Variants in MAPK9 observed in about 807,000 individuals in gnomAD.
The protein encoded by MAPK9 is mitogen-activated protein kinase 9, also known as Jun kinase.
MAPK9 carries 30 observed loss-of-function variants against 57.1 expected under a neutral mutation model. The ratio of observed to expected loss-of-function variants is 0.53; its 90% CI spans 0.39 to 0.71. The LOEUF is 0.71. Ranked by LOEUF, MAPK9 falls within the 30% of genes least tolerant of loss-of-function variation. MAPK9 has a pLI of 0.00. For missense variants in MAPK9, 362 were observed against 521.0 expected (o/e 0.69, Z 2.97); for synonymous variants, 155 against 177.0 (o/e 0.88, Z 0.99).
At position 180,289,801 on chromosome 5, in the gene MAPK9, T is replaced by TA. The variant is rs1246796881; in HGVS notation, c.-48+2046dup. Among the ~76,000 whole-genome samples the TA allele has an allele frequency of 5.9e-5, 9 of 151,756 alleles. No homozygotes were observed. The East Asian group carries it at 1.2e-3, about 20-fold the overall frequency. ...CTGTATTTGGCTTGGCTCACAGCAT[T>TA]AAAAAAAAATTTAATTAGCTATTGC... is the stretch of plus-strand genomic sequence containing the variant. On this transcript the variant is annotated intron_variant, in intron 1 of 11. Coordinates refer to ENST00000452135, the MANE Select transcript of MAPK9 (RefSeq NM_002752.5).
At chr5:180,244,744 A>G (rs1757942979) in intron 7 of MAPK9, among the ~76,000 whole-genome samples, 1 of 148,492 alleles carries the variant, frequency 6.7e-6, no homozygotes, top group Non-Finnish European at 1.5e-5. Flanking sequence ...GCTGCCCTCC[A>G]GCCTGGGCAA....
intron 8 of MAPK9, among the ~76,000 whole-genome samples, chr5:180,241,988 C>CT (rs34511447): frequency 1.3e-4 from 20 of 149,852 alleles, no homozygotes; most frequent in Admixed American, 3.3e-4. Flanking sequence ...GCAACTTACA[C>CT]TTTTTTTTTT....
intron 5 of MAPK9, among the ~76,000 whole-genome samples, chr5:180,250,367 G>A (rs1240028565): frequency 6.6e-6 from 1 of 152,078 alleles, no homozygotes; most frequent in African/African-American, 2.4e-5. Context: ...GGGGACTTCG[G>A]CCTGCAAACT....
chr5:180,247,628 G>T lies in MAPK9; in HGVS notation c.617-118C>A. The T allele has an allele frequency of 2.0e-6, 2 of 1,018,550 alleles. No homozygotes were observed. The highest frequency in any genetic ancestry group is 3.0e-6 in the Non-Finnish European group (2 of 665,294). 63.1% of individuals were successfully genotyped at this position (1,018,550 alleles called of 1,614,324 possible). ...TATGGAAAAATAAATTGCTAGCTAA[G>T]GGTGACATTTTACACAATATGAATG... On this transcript the variant is annotated intron_variant, in intron 6 of 11. Transcript: ENST00000452135. The surrounding 1 kb of genome is among the most constrained non-coding windows in gnomAD (Gnocchi z 4.5).
intron 5 of MAPK9, among the ~76,000 whole-genome samples, chr5:180,253,007 G>A (rs1048560912): frequency 3.3e-5 from 5 of 152,180 alleles, no homozygotes; most frequent in Non-Finnish European, 7.3e-5. Flanking sequence ...TGGGGTCCAC[G>A]GAAATGCACT....
intron 1 of MAPK9, among the ~76,000 whole-genome samples, chr5:180,281,797 C>T (rs372244306): frequency 3.3e-5 from 5 of 152,206 alleles, no homozygotes; most frequent in African/African-American, 1.2e-4. Context: ...GTCTTCTCCC[C>T]GTCCTCTGGG....
At chr5:180,236,598 A>C in intron 11 of MAPK9, 72 bp from the exon 12 acceptor site, 1 of 1,539,860 alleles carries the variant, frequency 6.5e-7, no homozygotes, top group Admixed American at 1.7e-5. Flanking sequence ...GCGAGACTGC[A>C]GGCCATTTCT....
intron 1 of MAPK9, among the ~76,000 whole-genome samples, chr5:180,286,508 A>T (rs1762784680): frequency 6.6e-6 from 1 of 151,818 alleles, no homozygotes; most frequent in Non-Finnish European, 1.5e-5. Flanking sequence ...GATAATCAAG[A>T]ACCTTGCAGC....
chr5:180,267,691 C>T (rs571790020), intron 3 of MAPK9, among the ~76,000 whole-genome samples: 18 of 151,998 alleles, frequency 1.2e-4, no homozygotes, highest in Admixed American at 5.2e-4. Context: ...GTGGTAAGAC[C>T]CCACCTCTAC....
chr5:180,265,521 C>T (rs1760441717), intron 3 of MAPK9, among the ~76,000 whole-genome samples: 1 of 152,240 alleles, frequency 6.6e-6, no homozygotes, highest in Non-Finnish European at 1.5e-5. Context: ...ACTTTTCTCT[C>T]TCCTGCCGCC....
intron 4 of MAPK9, among the ~76,000 whole-genome samples, chr5:180,264,206 G>C (rs1581240359): frequency 6.6e-6 from 1 of 152,118 alleles, no homozygotes; most frequent in Non-Finnish European, 1.5e-5. Context: ...CATGTGGCTT[G>C]TCTATCTTCC....
chr5:180,291,592 G>C (rs1243142606), intron 1 of MAPK9, among the ~76,000 whole-genome samples: 1 of 152,052 alleles, frequency 6.6e-6, no homozygotes, highest in Non-Finnish European at 1.5e-5. Flanking sequence ...CTCCGGGAGG[G>C]ATGGCGCCCG....
At chr5:180,275,623 T>C (rs1247458498) in intron 2 of MAPK9, among the ~76,000 whole-genome samples, 2 of 152,196 alleles carry the variant, frequency 1.3e-5, no homozygotes, top group Non-Finnish European at 1.5e-5. Flanking sequence ...CCTGACCTAG[T>C]AACTCCTCAC....
intron 5 of MAPK9, among the ~76,000 whole-genome samples, chr5:180,249,648 A>G (rs984570678): frequency 1.3e-5 from 2 of 152,216 alleles, no homozygotes; most frequent in Non-Finnish European, 2.9e-5. Flanking sequence ...CCCACAGACA[A>G]TGTCATATAA....
At chr5:180,271,878 T>C (rs984763970) in intron 2 of MAPK9, among the ~76,000 whole-genome samples, 7 of 152,228 alleles carry the variant, frequency 4.6e-5, no homozygotes, top group African/African-American at 7.2e-5. Context: ...TTTCTAGTTT[T>C]CCCCACACAT....
chr5:180,247,551 A>G lies in MAPK9; in HGVS notation c.617-41T>C, dbSNP rs946226894. 2 of 1,553,388 alleles carry G rather than the reference A, an allele frequency of 1.3e-6. No homozygotes were observed. The highest frequency in any genetic ancestry group is 2.2e-5 in the South Asian group (2 of 88,896). On this transcript the variant is annotated intron_variant, in intron 6 of 11. Transcript: ENST00000452135. This position sits in a 1 kb window ranked among gnomAD's most constrained non-coding sequence, Gnocchi z 4.5. ...AATGATAAAATTATGAAGTGCCATGAACAAAACAAAAGTGAGGAAAAGGAA... is the reference window on the plus strand; with the variant it reads ...AATGATAAAATTATGAAGTGCCATGGACAAAACAAAAGTGAGGAAAAGGAA...
In MAPK9 at chr5:180,235,616, G is replaced by GTCTTC. The variant is rs1757120670; in HGVS notation, c.*767_*768insGAAGA. On this transcript the variant is annotated 3_prime_UTR_variant, in exon 12 of 12. Transcript: ENST00000452135. Reference sequence around the variant, plus strand: ...GAAGACCAAGAAGAAAAGAGATAAGGTAGCTAGGATTTCAAGCAGCACTAA... The same window carrying GTCTTC: ...GAAGACCAAGAAGAAAAGAGATAAGGTCTTCTAGCTAGGATTTCAAGCAGCACTAA... The GTCTTC allele has an allele frequency of 1.3e-5, 2 of 152,130 alleles. No individual in the cohort carries two copies. The highest frequency in any genetic ancestry group is 3.8e-4 in the East Asian group (2 of 5,196). The allele number at this position is 152,130 out of a possible 1,614,324, so 9.4% of individuals were successfully genotyped here. A position where few individuals can be genotyped will look rare whatever the true frequency, so the allele number is the denominator to read the frequency against.
intron 4 of MAPK9, among the ~76,000 whole-genome samples, chr5:180,263,839 G>C (rs1760250324): frequency 6.6e-6 from 1 of 151,496 alleles, no homozygotes; most frequent in South Asian, 2.1e-4. Flanking sequence ...CTGAGTAGCT[G>C]GGACTACAGG....
chr5:180,279,879 C>T (rs978586378), intron 2 of MAPK9: 8 of 456,476 alleles, frequency 1.8e-5, no homozygotes, highest in East Asian at 1.4e-4. Context: ...ACGATTCTGA[C>T]GTTCTGGGCT....
Sources: gnomAD v4.1 joint callset for allele counts (sites outside exome capture counted in the v4.1 genomes callset) on GRCh38, gnomAD v4.1.1 for gene constraint, Gnocchi (gnomAD v3.1) non-coding constraint, MANE v1.5 for transcripts, NCBI Gene and HGNC (gene_info 2026-07-23, HGNC 2026-07-21) for gene names.